Variants in A2M observed in about 807,000 individuals in gnomAD.
A2M encodes C3 and PZP-like alpha-2-macroglobulin domain-containing protein 5.
A neutral mutation model predicts 183.9 loss-of-function variants in A2M; 128 were observed. The observed-to-expected ratio is 0.70, with a 90% CI of 0.60 to 0.81. The LOEUF (loss-of-function observed/expected upper bound fraction) is 0.81, where lower values mean the gene tolerates loss of function less well. A2M is among the 30% of genes least tolerant of loss of function. The pLI, the probability that A2M is intolerant of heterozygous loss-of-function variation, is 0.00. For missense variants in A2M, 1,495 were observed against 1,787.6 expected, an observed-to-expected ratio of 0.84 and a Z score of 2.95; for synonymous variants, 592 against 670.8, an observed-to-expected ratio of 0.88 and a Z score of 1.81.
chr12:9,101,088 G>A, intron 13 of A2M, 56 bp downstream of exon 13: 7 of 1,490,436 alleles, frequency 4.7e-6, no homozygotes, highest in Non-Finnish European at 5.5e-6. Flanking sequence ...CTTCCGTGGT[G>A]TAAGGCTGAA....
At chr12:9,071,486 A>T (rs778264741) in intron 31 of A2M, among the ~76,000 whole-genome samples, 14 of 152,162 alleles carry the variant, frequency 9.2e-5, no homozygotes, top group African/African-American at 1.9e-4. Flanking sequence ...CAGGTTTGTT[A>T]TATAGGTAAA....
At chr12:9,095,859 A>G (rs1359715778) in intron 15 of A2M, among the ~76,000 whole-genome samples, 159 bp from the exon 16 acceptor site, 1 of 139,728 alleles carries the variant, frequency 7.2e-6, no homozygotes, top group Non-Finnish European at 1.5e-5. Flanking sequence ...TCCCGGGTTC[A>G]CGCCATTCTC....
At chr12:9,070,261 C>G (rs1354165379) in intron 32 of A2M, among the ~76,000 whole-genome samples, 2 of 152,192 alleles carry the variant, frequency 1.3e-5, no homozygotes, top group Non-Finnish European at 2.9e-5. Flanking sequence ...AATTGAAAAG[C>G]AGGAACCTGC....
chr12:9,079,137 C>T lies in A2M; in HGVS notation c.3119+107G>A, dbSNP rs750355613. ...GGATTTATCTAGTATAACAAACCAT[C>T]GGTCTGATAATACATATCTGATAGT... is the stretch of plus-strand genomic sequence containing the variant. On this transcript the variant is annotated intron_variant, in intron 25 of 35. Coordinates refer to ENST00000318602, the MANE Select transcript of A2M (RefSeq NM_000014.6). The T allele has an allele frequency of 3.5e-4, 286 of 811,788 alleles. 1 individual carries two copies. Among genetic ancestry groups the T allele is most frequent in the Non-Finnish European group, 5.1e-4 (263 of 516,176 alleles). 50.3% of individuals were successfully genotyped at this position (811,788 alleles called of 1,614,324 possible).
Position 9,099,394 on chromosome 12 carries a change from C to T in A2M, c.1688G>A (p.Cys563Tyr). The T allele has an allele frequency of 9.6e-6, 15 of 1,558,538 alleles. No individual in the cohort carries two copies. The highest frequency in any genetic ancestry group is 1.3e-5 in the Non-Finnish European group (15 of 1,150,724). ...GDSAKYDVEN[C>Y]LANKVDLSFS... is the part of the protein sequence containing the mutation. ...TAAAACACACACCTTGTTGGCCAGA[C>T]AATTTTCAACATCATATTTTGCAGA... Residue 563 changes from cysteine (C) to tyrosine (Y), a missense_variant, in exon 14 of 36, where the codon TGT (cysteine) becomes TAT (tyrosine). Physicochemically the swap from Cys to Tyr is radical, Grantham distance 194. Transcript: ENST00000318602.
chr12:9,069,922 A>T, intron 32 of A2M, 109 bp from the exon 33 acceptor site: 2 of 909,960 alleles, frequency 2.2e-6, no homozygotes, highest in Non-Finnish European at 3.6e-6. Flanking sequence ...AGAATTCTTC[A>T]AATGCTTTTT....
At chr12:9,081,395 A>G (rs1359041512) in intron 22 of A2M, among the ~76,000 whole-genome samples, 1 of 152,220 alleles carries the variant, frequency 6.6e-6, no homozygotes, top group Non-Finnish European at 1.5e-5. Flanking sequence ...CATTTAGGTA[A>G]TAAAGAGGAG....
intron 28 of A2M, among the ~76,000 whole-genome samples, chr12:9,075,435 A>G (rs2300147): frequency 0.38 from 57,083 of 151,622 alleles, 11,410 homozygotes; most frequent in African/African-American, 0.49. Context: ...ATTTTTTTTA[A>G]TAGCAAAACA....
rs1423360586 is a variant in A2M, at chr12:9,079,255, C to T, written c.3108G>A (p.Gln1036=). The part of the protein sequence containing the change: ...STFGERYGRN[Q]GNTWLTAFVL... ...TGTTCTTTCCTTACCAGGTGTTGCC[C>T]TGGTTCCTGCCATATCGCTCCCCAA... Residue 1036 remains glutamine (Q), a synonymous_variant, in exon 25 of 36, where the codon CAG becomes CAA. Transcript: ENST00000318602. The T allele has an allele frequency of 1.3e-5, 21 of 1,613,376 alleles. No homozygotes were observed. The highest frequency in any genetic ancestry group is 1.7e-5 in the Non-Finnish European group (20 of 1,179,724).
chr12:9,093,431 T>TTGTTGCA, intron 18 of A2M, 34 bp downstream of exon 18: 1 of 1,421,264 alleles, frequency 7.0e-7, no homozygotes. Flanking sequence ...GGGACCTCTA[T>TTGTTGCA]TGTTGCATAT....
At chr12:9,096,897 A>G (rs1400479691) in intron 15 of A2M, among the ~76,000 whole-genome samples, 1 of 152,196 alleles carries the variant, frequency 6.6e-6, no homozygotes, top group Admixed American at 6.5e-5. Context: ...CACTTAGTAT[A>G]ATACCTAGAA....
chr12:9,109,826 A>G (rs1025921907), intron 6 of A2M, 41 bp downstream of exon 6: 8 of 1,548,590 alleles, frequency 5.2e-6, no homozygotes, highest in Non-Finnish European at 6.1e-6. Flanking sequence ...GAGTTTAAAT[A>G]TGAAGAAAAA....
chr12:9,073,950 T>C (rs1948656238), intron 29 of A2M, among the ~76,000 whole-genome samples: 1 of 152,082 alleles, frequency 6.6e-6, no homozygotes, highest in Non-Finnish European at 1.5e-5. Context: ...TAGCCAGGCA[T>C]GATTGCACAT....
rs753402845 is a variant in A2M, at chr12:9,100,985, G to A, written c.1558+159C>T. Reference sequence around the variant, plus strand: ...CGGGTGATGGGTGCACCAAAATCTCGGAAATCACTACCAAAGAATTTATTC... The same window carrying A: ...CGGGTGATGGGTGCACCAAAATCTCAGAAATCACTACCAAAGAATTTATTC... On this transcript the variant is annotated intron_variant, in intron 13 of 35. Coordinates refer to ENST00000318602, the MANE Select transcript of A2M (RefSeq NM_000014.6). 3.9e-5 allele frequency among the ~76,000 whole-genome samples: 6 copies of A among 152,188 alleles called. No homozygotes were observed. In the South Asian group the frequency reaches 6.2e-4, roughly 16 times the overall value.
At chr12:9,072,552 C>T (rs988476311) in intron 30 of A2M, 66 bp from the exon 31 acceptor site, 1 of 1,601,058 alleles carries the variant, frequency 6.2e-7, no homozygotes, top group South Asian at 1.1e-5. Context: ...ACGTCCCTAA[C>T]CCTTTCTCTG....
chr12:9,081,710 C>T (rs775933456), intron 22 of A2M, among the ~76,000 whole-genome samples: 7 of 152,268 alleles, frequency 4.6e-5, no homozygotes, highest in East Asian at 1.9e-4. Context: ...GTTTCTACAG[C>T]GGGGAAGAGA....
chr12:9,071,873 G>A (rs1419766223), intron 31 of A2M, among the ~76,000 whole-genome samples: 1 of 152,152 alleles, frequency 6.6e-6, no homozygotes, highest in Admixed American at 6.5e-5. Context: ...TTTGTGGAGA[G>A]AGAGTTTTTT....
At chr12:9,108,006 G>A (rs758538774) in intron 7 of A2M, among the ~76,000 whole-genome samples, 1 of 151,928 alleles carries the variant, frequency 6.6e-6, no homozygotes, top group Non-Finnish European at 1.5e-5. Flanking sequence ...ACGCCCTCAA[G>A]TCTACCTAGG....
At position 9,106,351 on chromosome 12, in the gene A2M, A is replaced by T; in HGVS notation, c.995-6T>A. On this transcript the variant is annotated splice_region_variant and splice_polypyrimidine_tract_variant and intron_variant, in intron 9 of 35. Coordinates refer to ENST00000318602, the MANE Select transcript of A2M (RefSeq NM_000014.6). Reference sequence around the variant, plus strand: ...CCTTCCAGTCAATTCCACCACTGAAAAAAGAGAAAAAAATCTGTTATTTTT... The same window carrying T: ...CCTTCCAGTCAATTCCACCACTGAATAAAGAGAAAAAAATCTGTTATTTTT... 6.3e-7 allele frequency: 1 copy of T among 1,581,902 alleles called. No homozygotes were observed. Among genetic ancestry groups the T allele is most frequent in the South Asian group, 1.1e-5 (1 of 88,470 alleles).
Sources: allele counts gnomAD v4.1 joint callset (sites outside exome capture counted in the v4.1 genomes callset), GRCh38; gene constraint gnomAD v4.1.1; transcripts MANE v1.5; gene names NCBI Gene and HGNC (gene_info 2026-07-23, HGNC 2026-07-21).